PRKG1: variants seen among roughly 807,000 people sequenced by gnomAD.
The protein encoded by PRKG1 is protein kinase cGMP-dependent 1.
Under a neutral mutation model 88.1 loss-of-function variants are expected in PRKG1, and 35 were observed. That is an observed-to-expected ratio of 0.40 (90% CI 0.30 to 0.53). The LOEUF is 0.53. Ranked by LOEUF, PRKG1 falls within the 20% of genes least tolerant of loss-of-function variation. PRKG1 has a pLI of 0.59. For missense variants in PRKG1, 540 were observed against 839.8 expected, an observed-to-expected ratio of 0.64 and a Z score of 4.41; for synonymous variants, 303 against 292.5, an observed-to-expected ratio of 1.04 and a Z score of -0.37.
At chr10:51,836,544 A>G (rs1482240048) in intron 4 of PRKG1, among the ~76,000 whole-genome samples, 1 of 152,100 alleles carries the variant, frequency 6.6e-6, no homozygotes. Flanking sequence ...ATTCCAGTTT[A>G]AGGTTTTACG....
chr10:51,142,827 C>T (rs1308647054), intron 1 of PRKG1, among the ~76,000 whole-genome samples: 1 of 151,994 alleles, frequency 6.6e-6, no homozygotes, highest in Non-Finnish European at 1.5e-5. Flanking sequence ...TCATATTATC[C>T]AAGCATAACA....
intron 9 of PRKG1, among the ~76,000 whole-genome samples, chr10:52,224,838 T>TATATAC (rs1172536011): frequency 1.2e-4 from 16 of 135,856 alleles, no homozygotes; most frequent in African/African-American, 4.6e-4. Context: ...TATATATATA[T>TATATAC]ACATACATAC....
chr10:51,947,174 C>A (rs199944002), intron 5 of PRKG1, among the ~76,000 whole-genome samples: 10 of 150,118 alleles, frequency 6.7e-5, no homozygotes, highest in South Asian at 6.3e-4. Flanking sequence ...ATGGCAGGCT[C>A]CCCTCCCCCA....
At chr10:52,081,755 G>A (rs1846781575) in intron 7 of PRKG1, 13 of 447,566 alleles carry the variant, frequency 2.9e-5, no homozygotes, top group South Asian at 1.9e-4. Flanking sequence ...GGAGGAATTT[G>A]CAATTTTAAG....
intron 1 of PRKG1, among the ~76,000 whole-genome samples, chr10:51,100,675 C>T (rs772142770): frequency 6.6e-6 from 1 of 152,084 alleles, no homozygotes; most frequent in Non-Finnish European, 1.5e-5. Context: ...AGGTAAGAAG[C>T]CTTTCAAACC....
At chr10:51,010,184 T>C (rs879604813) in intron 1 of PRKG1, among the ~76,000 whole-genome samples, 1 of 152,210 alleles carries the variant, frequency 6.6e-6, no homozygotes, top group Non-Finnish European at 1.5e-5. Context: ...TGGAATTCCA[T>C]GGAGCACGTG....
chr10:52,065,620 C>A (rs1463784366), intron 7 of PRKG1, among the ~76,000 whole-genome samples: 1 of 152,128 alleles, frequency 6.6e-6, no homozygotes, highest in African/African-American at 2.4e-5. Context: ...CTCAACTTTC[C>A]TTTTTTCTCC....
intron 9 of PRKG1, among the ~76,000 whole-genome samples, chr10:52,179,849 A>G (rs1302809299): frequency 6.6e-6 from 1 of 151,986 alleles, no homozygotes; most frequent in Non-Finnish European, 1.5e-5. Flanking sequence ...CACCACACCT[A>G]GCTAATTTTT....
intron 10 of PRKG1, among the ~76,000 whole-genome samples, chr10:52,257,174 T>C (rs1259450065): frequency 7.2e-6 from 1 of 138,782 alleles, no homozygotes; most frequent in African/African-American, 2.5e-5. Flanking sequence ...GAAAAGAAAA[T>C]GTGGTAGTCG....
intron 3 of PRKG1, among the ~76,000 whole-genome samples, chr10:51,618,858 T>C (rs1202342779): frequency 1.3e-5 from 2 of 151,780 alleles, no homozygotes; most frequent in Non-Finnish European, 2.9e-5. Flanking sequence ...AACTTCCGCC[T>C]CCTGGGTTCA....
chr10:51,664,478 A>G (rs1013303626), intron 3 of PRKG1, among the ~76,000 whole-genome samples: 1 of 152,198 alleles, frequency 6.6e-6, no homozygotes, highest in African/African-American at 2.4e-5. Context: ...ATACTCAAGA[A>G]CATAAGTCTC....
At chr10:51,583,851 A>G (rs1013808997) in intron 3 of PRKG1, among the ~76,000 whole-genome samples, 3 of 152,098 alleles carry the variant, frequency 2.0e-5, no homozygotes, top group African/African-American at 7.2e-5. Context: ...TTAATTCACA[A>G]TATTTAATGG....
At chr10:51,549,120 CTTTTTTTTT>C (rs56045527) in intron 3 of PRKG1, among the ~76,000 whole-genome samples, 2 of 70,326 alleles carry the variant, frequency 2.8e-5, no homozygotes, top group African/African-American at 1.1e-4. Context: ...CTTTTCTTTT[CTTTTTTTTT>C]TTTTTTTTTT....
chr10:51,272,210 T>G (rs1026513398), intron 2 of PRKG1, among the ~76,000 whole-genome samples: 1 of 152,226 alleles, frequency 6.6e-6, no homozygotes, highest in African/African-American at 2.4e-5. Flanking sequence ...GCTGCATAAA[T>G]GTCTTCTTTT....
At chr10:52,069,564 A>G (rs1416851662) in intron 7 of PRKG1, among the ~76,000 whole-genome samples, 1 of 152,210 alleles carries the variant, frequency 6.6e-6, no homozygotes, top group African/African-American at 2.4e-5. Context: ...CAATAAAATT[A>G]TAGTACAGAA....
intron 5 of PRKG1, among the ~76,000 whole-genome samples, chr10:51,980,068 TGTTAA>T (rs1181961837): frequency 4.6e-5 from 7 of 152,138 alleles, no homozygotes; most frequent in Non-Finnish European, 1.0e-4. Context: ...CTAGTTGTGA[TGTTAA>T]GTTGTTAATT....
rs1384203985 is a variant in PRKG1 at position 52,294,079 on chromosome 10, C to T, written c.*179C>T. 1 of 483,144 alleles carries T rather than the reference C, an allele frequency of 2.1e-6. No individual in the cohort carries two copies. The highest frequency in any genetic ancestry group is 3.2e-5 in the East Asian group (1 of 31,076). 29.9% of individuals were successfully genotyped at this position (483,144 alleles called of 1,614,324 possible). A position where few individuals can be genotyped will look rare whatever the true frequency, so the allele number is the denominator to read the frequency against. ...TTACCGCTTAGATGACAATAGTGCT[C>T]TTTACATGTTTTCTGTTTGAACCTA... On this transcript the variant is annotated 3_prime_UTR_variant, in exon 18 of 18. Coordinates refer to ENST00000373980, the MANE Select transcript of PRKG1 (RefSeq NM_006258.4).
At chr10:52,044,471 A>G (rs1476208567) in intron 5 of PRKG1, among the ~76,000 whole-genome samples, 1 of 152,174 alleles carries the variant, frequency 6.6e-6, no homozygotes, top group East Asian at 1.9e-4. Flanking sequence ...AAGTATTTTT[A>G]TTAATGATAA....
chr10:51,385,898 G>C (rs534642933), intron 2 of PRKG1, among the ~76,000 whole-genome samples: 1 of 152,012 alleles, frequency 6.6e-6, no homozygotes, highest in Non-Finnish European at 1.5e-5. Context: ...CTACTAATAG[G>C]TGTCTATCAA....
Sources: gnomAD v4.1 joint callset for allele counts (sites outside exome capture counted in the v4.1 genomes callset) on GRCh38, gnomAD v4.1.1 for gene constraint, MANE v1.5 for transcripts, NCBI Gene and HGNC (gene_info 2026-07-23, HGNC 2026-07-21) for gene names.